The following KCNK13 variants were observed in gnomAD, a reference collection of about 807,000 sequenced individuals.
The protein encoded by KCNK13 is potassium channel subfamily K member 13.
KCNK13 carries 12 observed loss-of-function variants against 23.4 expected under a neutral mutation model. That is an observed-to-expected ratio of 0.51 (90% CI 0.33 to 0.83). KCNK13 has a LOEUF of 0.83. Ranked by LOEUF, KCNK13 falls within the 40% of genes least tolerant of loss-of-function variation. The pLI is 0.02. For synonymous variants in KCNK13, 231 were observed against 229.5 expected, an observed-to-expected ratio of 1.01 and a Z score of -0.06; for missense variants, 463 against 556.3, an observed-to-expected ratio of 0.83 and a Z score of 1.69.
At chr14:90,101,146 T>C (rs1040117988) in intron 1 of KCNK13, among the ~76,000 whole-genome samples, 21 of 152,058 alleles carry the variant, frequency 1.4e-4, no homozygotes, top group Non-Finnish European at 2.8e-4. Flanking sequence ...CACCTCAGAG[T>C]TGTTCTGAGG....
intron 1 of KCNK13, among the ~76,000 whole-genome samples, chr14:90,173,194 G>C (rs1282667371): frequency 6.6e-6 from 1 of 152,124 alleles, no homozygotes; most frequent in East Asian, 1.9e-4. Context: ...GAATATCAGC[G>C]AGAATATGAA....
chr14:90,120,940 G>T (rs901817049), intron 1 of KCNK13, among the ~76,000 whole-genome samples: 1 of 152,144 alleles, frequency 6.6e-6, no homozygotes, highest in Non-Finnish European at 1.5e-5. Flanking sequence ...AGATACAAGG[G>T]GGGTACAGAA....
intron 1 of KCNK13, among the ~76,000 whole-genome samples, chr14:90,117,792 C>G (rs1256420326): frequency 6.6e-6 from 1 of 152,056 alleles, no homozygotes; most frequent in Non-Finnish European, 1.5e-5. Flanking sequence ...TTTTATTGCC[C>G]CCAGTGAAAA....
intron 1 of KCNK13, among the ~76,000 whole-genome samples, chr14:90,138,679 C>T (rs1440258271): frequency 2.0e-5 from 3 of 152,226 alleles, no homozygotes. Context: ...CTCAAAAATG[C>T]CATGTACGGC....
At chr14:90,075,401 T>C (rs1051659596) in intron 1 of KCNK13, among the ~76,000 whole-genome samples, 4 of 152,230 alleles carry the variant, frequency 2.6e-5, no homozygotes, top group African/African-American at 9.6e-5. Context: ...AATGACATTT[T>C]TACATCTTGG....
At chr14:90,145,265 C>T (rs142397306) in intron 1 of KCNK13, among the ~76,000 whole-genome samples, 9,874 of 151,442 alleles carry the variant, frequency 0.065, 414 homozygotes, top group South Asian at 0.21. Context: ...TGGTGGTGCG[C>T]GCCTGTAGTC....
At chr14:90,183,628 C>G (rs947715902) in intron 1 of KCNK13, among the ~76,000 whole-genome samples, 3 of 152,180 alleles carry the variant, frequency 2.0e-5, no homozygotes, top group Non-Finnish European at 4.4e-5. Context: ...CCAGAACTGT[C>G]TTTTCCACAG....
intron 1 of KCNK13, among the ~76,000 whole-genome samples, chr14:90,125,615 ACACACACACACGCG>A (rs1317774580): frequency 1.5e-5 from 1 of 65,338 alleles, no homozygotes; most frequent in Admixed American, 2.0e-4. Context: ...ACACACACAC[ACACACACACACGCG>A]CACACACACA....
intron 1 of KCNK13, among the ~76,000 whole-genome samples, chr14:90,077,848 A>G (rs763718174): frequency 4.6e-5 from 7 of 151,956 alleles, no homozygotes; most frequent in Non-Finnish European, 8.8e-5. Context: ...TTCCCTTTCA[A>G]TTTCTCTGCC....
At chr14:90,127,251 T>C (rs907409641) in intron 1 of KCNK13, among the ~76,000 whole-genome samples, 1 of 151,882 alleles carries the variant, frequency 6.6e-6, no homozygotes, top group African/African-American at 2.4e-5. Flanking sequence ...TTTTAAAAAA[T>C]GAAAAAAAAG....
intron 1 of KCNK13, among the ~76,000 whole-genome samples, chr14:90,147,347 G>C (rs1296581272): frequency 6.6e-6 from 1 of 151,976 alleles, no homozygotes; most frequent in Non-Finnish European, 1.5e-5. Context: ...TAAACTCCTG[G>C]GCTCAAGCGA....
chr14:90,119,105 C>T (rs1889708120), intron 1 of KCNK13, among the ~76,000 whole-genome samples: 1 of 152,106 alleles, frequency 6.6e-6, no homozygotes, highest in Admixed American at 6.6e-5. Flanking sequence ...GAAACTCATT[C>T]CCTGTACAGA....
At chr14:90,103,528 C>G (rs564289412) in intron 1 of KCNK13, among the ~76,000 whole-genome samples, 46 of 152,110 alleles carry the variant, frequency 3.0e-4, no homozygotes, top group Non-Finnish European at 6.2e-4. Flanking sequence ...TTCAAACACA[C>G]ATAAAACTAG....
At chr14:90,122,251 A>G (rs1425768969) in intron 1 of KCNK13, among the ~76,000 whole-genome samples, 1 of 152,076 alleles carries the variant, frequency 6.6e-6, no homozygotes, top group African/African-American at 2.4e-5. Context: ...GCTTTTCCTC[A>G]GAAGTGAGTA....
At position 90,184,236 on chromosome 14, in the gene KCNK13, G is replaced by A. The variant is rs766324856; in HGVS notation, c.460G>A (p.Ala154Thr). 19 of 1,614,020 alleles carry A rather than the reference G, an allele frequency of 1.2e-5. No homozygotes were observed. The highest frequency in any genetic ancestry group is 8.9e-5 in the East Asian group (4 of 44,896). The change falls in exon 2 of 2, where the codon GCC becomes ACC. Residue 154 changes from alanine to threonine, a missense_variant. Ala to Thr is a moderately conservative substitution (Grantham distance 58). Coordinates refer to ENST00000282146, the MANE Select transcript of KCNK13 (RefSeq NM_022054.4). The surrounding 1 kb of genome is among the most constrained non-coding windows in gnomAD (Gnocchi z 5.6). ...LFLERLITII[A>T]YIMKSCHQRQ... ...CCTGGAGCGCCTGATCACCATCATC[G>A]CCTACATCATGAAGTCGTGCCACCA...
Position 90,078,869 on chromosome 14 carries a change from G to T in KCNK13, c.334+16330G>T, listed in dbSNP as rs575063407. ...AATCCTATGAGTTAGAGAAAGTCAG[G>T]CTCAAAAAGAGTGAGTAACTTTCCC... On this transcript the variant is annotated intron_variant, in intron 1 of 1. Coordinates refer to ENST00000282146, the MANE Select transcript of KCNK13 (RefSeq NM_022054.4). Among the ~76,000 whole-genome samples the T allele has an allele frequency of 7.2e-5, 11 of 152,304 alleles. 2 individuals are homozygous for T. The highest frequency in any genetic ancestry group is 2.6e-4 in the African/African-American group (11 of 41,566).
intron 1 of KCNK13, among the ~76,000 whole-genome samples, chr14:90,084,024 A>C (rs1218331487): frequency 6.6e-6 from 1 of 152,218 alleles, no homozygotes; most frequent in African/African-American, 2.4e-5. Context: ...ATTCTATTCC[A>C]TTGACCTATC....
At chr14:90,157,544 T>C (rs1890207411) in intron 1 of KCNK13, among the ~76,000 whole-genome samples, 1 of 151,926 alleles carries the variant, frequency 6.6e-6, no homozygotes, top group South Asian at 2.1e-4. Flanking sequence ...TGCAGGCATG[T>C]GGCACCACAC....
At chr14:90,169,368 C>T (rs972377098) in intron 1 of KCNK13, among the ~76,000 whole-genome samples, 1 of 152,084 alleles carries the variant, frequency 6.6e-6, no homozygotes, top group Non-Finnish European at 1.5e-5. Context: ...ACTTTATTTC[C>T]TGGATCAGGT....
Sources: allele counts gnomAD v4.1 joint callset (sites outside exome capture counted in the v4.1 genomes callset), GRCh38; gene constraint gnomAD v4.1.1; non-coding constraint Gnocchi (gnomAD v3.1); transcripts MANE v1.5; gene names NCBI Gene and HGNC (gene_info 2026-07-23, HGNC 2026-07-21).